The following STAB1 variants were observed in gnomAD, a reference collection of about 807,000 sequenced individuals.
STAB1 encodes stabilin-1.
In STAB1, 250 loss-of-function variants were observed where a neutral mutation model predicts 332.4. That is an observed-to-expected ratio of 0.75 (90% CI 0.68 to 0.84). The LOEUF (loss-of-function observed/expected upper bound fraction) is 0.84. STAB1 is among the 40% of genes least tolerant of loss of function. The probability of loss-of-function intolerance (pLI) is 0.00; values close to 1 mark genes in which losing one functional copy is unlikely to be tolerated. For synonymous variants in STAB1, 1,475 were observed against 1,390.4 expected (o/e 1.06, Z -1.35); for missense variants, 3,249 against 3,489.7 (o/e 0.93, Z 1.74).
At chr3:52,504,319 C>A in intron 10 of STAB1, 142 bp from the exon 11 acceptor site, 1 of 1,362,058 alleles carries the variant, frequency 7.3e-7, no homozygotes, top group Non-Finnish European at 1.0e-6. Flanking sequence ...TGCTCTCCAA[C>A]CTCAAGGCCC....
Position 52,515,058 on chromosome 3 carries a change from T to A in STAB1, c.3864+13T>A. ...CTTCCAGCTGCAGGTGAGACTGGGC[T>A]TAGCGCAGCTCTGTCCCTGTGTTGC... is the stretch of plus-strand genomic sequence containing the variant. On this transcript the variant is annotated intron_variant, in intron 36 of 68. Transcript: ENST00000321725. The A allele has an allele frequency of 6.2e-7, 1 of 1,613,104 alleles. No homozygotes were observed. Among genetic ancestry groups the A allele is most frequent in the Non-Finnish European group, 8.5e-7 (1 of 1,179,864 alleles).
chr3:52,520,417 T>C lies in STAB1; in HGVS notation c.5517T>C (p.Gly1839=). ...CCTTGCAGGGTGAGCTCATGGTGGGTGAGGATGATGCTCGCATTGTGCAGC... is the reference window on the plus strand; with the variant it reads ...CCTTGCAGGGTGAGCTCATGGTGGGCGAGGATGATGCTCGCATTGTGCAGC... ...SRTRAGELMV[G]EDDARIVQRH... Residue 1839 remains glycine (G), a synonymous_variant, in exon 53 of 69, where the codon GGT becomes GGC. Transcript: ENST00000321725. 6.2e-7 allele frequency: 1 copy of C among 1,611,854 alleles called. No homozygotes were observed. Among genetic ancestry groups the C allele is most frequent in the Non-Finnish European group, 8.5e-7 (1 of 1,179,104 alleles).
rs199577237 is a variant in STAB1 at position 52,523,214 on chromosome 3, C to T, written c.7021-8C>T. The T allele has an allele frequency of 9.6e-5, 155 of 1,612,998 alleles. No homozygotes were observed. The highest frequency in any genetic ancestry group is 6.5e-4 in the East Asian group (29 of 44,890). ...CCTGCTCATAGTTCTGTCTTTCCAC[C>T]GTGCCAGATGCTATTGGGCTATGCC... On this transcript the variant is annotated splice_region_variant and splice_polypyrimidine_tract_variant and intron_variant, in intron 63 of 68. Coordinates refer to ENST00000321725, the MANE Select transcript of STAB1 (RefSeq NM_015136.3).
rs1709428313 is a variant in STAB1, at chr3:52,513,239, G to A, written c.3268G>A (p.Gly1090Arg). The A allele has an allele frequency of 6.4e-7, 1 of 1,572,670 alleles. No individual in the cohort carries two copies. The highest frequency in any genetic ancestry group is 8.6e-7 in the Non-Finnish European group (1 of 1,159,996). Residue 1090 changes from glycine to arginine, a missense_variant and splice_region_variant, in exon 30 of 69, where the codon GGG becomes AGG. Coordinates refer to ENST00000321725, the MANE Select transcript of STAB1 (RefSeq NM_015136.3). ...TTRWEIRNIS[G>R]RVWVQNASVD... ...ACGCTGGGAGATTCGCAACATTAGT[G>A]GGGTATGTGGTGAACTCTGGGCAGA...
chr3:52,502,998 G>A lies in STAB1; in HGVS notation c.584-1G>A. ...ATCAGTGCTCTCTCCACTCTGCGCA[G>A]AGCTGCCCGTCTGCCAGGAGCTGCG... On this transcript the variant is annotated splice_acceptor_variant, in intron 6 of 68. Coordinates refer to ENST00000321725, the MANE Select transcript of STAB1 (RefSeq NM_015136.3). LOFTEE classifies it high-confidence loss of function. 2 of 1,573,696 alleles carry A rather than the reference G, an allele frequency of 1.3e-6. No individual in the cohort carries two copies. The highest frequency in any genetic ancestry group is 1.7e-6 in the Non-Finnish European group (2 of 1,160,672).
In STAB1 at chr3:52,510,479, C is replaced by A. The variant is rs202225385; in HGVS notation, c.2759C>A (p.Ala920Asp). Residue 920 changes from alanine (A) to aspartate (D), a missense_variant, in exon 25 of 69, where the codon GCC becomes GAC. Physicochemically the swap from Ala to Asp is moderately radical, Grantham distance 126. Coordinates refer to ENST00000321725, the MANE Select transcript of STAB1 (RefSeq NM_015136.3). ...LDMRGGCHTD[A>D]LCSYVGPGQS... Reference sequence around the variant, plus strand: ...ATGAGAGGTGGCTGCCACACCGATGCCCTCTGCAGCTATGTGGGCCCCGGG... The same window carrying A: ...ATGAGAGGTGGCTGCCACACCGATGACCTCTGCAGCTATGTGGGCCCCGGG... The A allele has an allele frequency of 1.6e-5, 26 of 1,613,450 alleles. No homozygotes were observed. The highest frequency in any genetic ancestry group is 1.7e-6 in the Non-Finnish European group (2 of 1,179,938).
chr3:52,524,044 C>A (rs114309168), intron 67 of STAB1, 27 bp downstream of exon 67: 1 of 1,611,960 alleles, frequency 6.2e-7, no homozygotes, highest in East Asian at 2.2e-5. Context: ...GCTGCCATGG[C>A]GGGTCCTTGG....
intron 48 of STAB1, 126 bp from the exon 49 acceptor site, chr3:52,519,138 G>A: frequency 7.7e-7 from 1 of 1,296,844 alleles, no homozygotes; most frequent in South Asian, 1.4e-5. Flanking sequence ...ACCTCGTCCT[G>A]GTCCCGAAGA....
At chr3:52,516,963 T>C (rs764175678) in intron 41 of STAB1, 21 bp from the exon 42 acceptor site, 2 of 1,610,176 alleles carry the variant, frequency 1.2e-6, no homozygotes, top group Non-Finnish European at 1.7e-6. Flanking sequence ...TCCTGAGGAC[T>C]CTCTGGCCAT....
In STAB1 at chr3:52,509,872, T is replaced by C. The variant is rs770029776; in HGVS notation, c.2350T>C (p.Cys784Arg). 6.2e-7 allele frequency: 1 copy of C among 1,612,888 alleles called. No homozygotes were observed. The highest frequency in any genetic ancestry group is 1.1e-5 in the South Asian group (1 of 91,080). Residue 784 changes from cysteine (C) to arginine (R), a missense_variant and splice_region_variant, in exon 23 of 69, where the codon TGC (cysteine) becomes CGC (arginine). Physicochemically the swap from Cys to Arg is radical, Grantham distance 180. Transcript: ENST00000321725. Reference protein sequence around the residue: ...NKHGEQCQEDCGCVHGLCDNR... With the variant: ...NKHGEQCQEDRGCVHGLCDNR... The stretch of plus-strand genomic sequence containing the variant: ...TTGCTCCCATCTACTCCATACAGAC[T>C]GCGGCTGTGTCCATGGTCTCTGCGA...
rs896955315 is a variant in STAB1, at chr3:52,519,986, C to T, written c.5278C>T (p.Pro1760Ser). 2.5e-6 allele frequency: 4 copies of T among 1,609,800 alleles called. No individual in the cohort carries two copies. The African/African-American group carries it at 4.0e-5, about 16-fold the overall frequency. Residue 1760 changes from proline (P) to serine (S), a missense_variant, in exon 51 of 69, where the codon CCC (proline) becomes TCC (serine). By Grantham distance (74) the Pro-to-Ser change is moderately conservative. Transcript: ENST00000321725. Reference sequence around the variant, plus strand: ...CCTGCTTCGAGAGGCATCCCATAGGCCCTTCACAATGCTGTGGCCCACAGA... The same window carrying T: ...CCTGCTTCGAGAGGCATCCCATAGGTCCTTCACAATGCTGTGGCCCACAGA... ...LPLLREASHR[P>S]FTMLWPTDAA...
chr3:52,523,752 AG>A lies in STAB1; in HGVS notation c.7392del (p.Gln2464HisfsTer136). 6.3e-7 allele frequency: 1 copy of A among 1,598,668 alleles called. No individual in the cohort carries two copies. The highest frequency in any genetic ancestry group is 1.1e-5 in the South Asian group (1 of 90,728). ...GCCAGCCCCCTCCTGGCACCCCCAC[AG>A]CCCGTGAGTTGAGGAAGGGGGAGGC... The part of the protein sequence containing the change: ...ALASPLLAPP[Q>X]PQAVLAPEAP... On this transcript the variant is annotated frameshift_variant, in exon 66 of 69. Transcript: ENST00000321725. LOFTEE classifies it high-confidence loss of function.
chr3:52,506,659 G>A (rs746904540), intron 17 of STAB1, 33 bp from the exon 18 acceptor site: 1 of 1,582,656 alleles, frequency 6.3e-7, no homozygotes, highest in Non-Finnish European at 8.6e-7. Context: ...GGCCAGCCAG[G>A]CTGGGGGTTG....
At chr3:52,503,647 G>C in intron 8 of STAB1, 107 bp downstream of exon 8, 1 of 1,555,118 alleles carries the variant, frequency 6.4e-7, no homozygotes, top group African/African-American at 1.4e-5. Context: ...TTCCCCACTT[G>C]TAAAGTGGGG....
At chr3:52,520,583 C>T (rs202000670) in intron 53 of STAB1, 34 bp downstream of exon 53, 1 of 1,611,624 alleles carries the variant, frequency 6.2e-7, no homozygotes, top group Admixed American at 1.7e-5. Context: ...GGCAGAAGCC[C>T]ACCCCGCCTG....
chr3:52,510,320 C>A (rs776437017), intron 24 of STAB1, 29 bp from the exon 25 acceptor site: 3 of 1,613,754 alleles, frequency 1.9e-6, no homozygotes, highest in Non-Finnish European at 2.5e-6. Flanking sequence ...TTCTTGTGTC[C>A]CTCAGTTATT....
At chr3:52,506,604 C>G (rs1708887067) in intron 17 of STAB1, 88 bp from the exon 18 acceptor site, 10 of 1,422,834 alleles carry the variant, frequency 7.0e-6, no homozygotes, top group Admixed American at 6.9e-5. Flanking sequence ...CCTGTCTGCT[C>G]TAACTGGGCT....
rs561835465 is a variant in STAB1 at position 52,510,217 on chromosome 3, T to C, written c.2610T>C (p.Arg870=). The change falls in exon 24 of 69, where the codon CGT becomes CGC. Residue 870 remains arginine, a synonymous_variant. Coordinates refer to ENST00000321725, the MANE Select transcript of STAB1 (RefSeq NM_015136.3). ...TPSNPCSHPD[R]GGCSENAECV... Reference sequence around the variant, plus strand: ...GCAACCCCTGCTCCCACCCGGACCGTGGAGGCTGCTCAGAGAATGTCAGTC... The same window carrying C: ...GCAACCCCTGCTCCCACCCGGACCGCGGAGGCTGCTCAGAGAATGTCAGTC... 3.8e-5 allele frequency: 62 copies of C among 1,613,934 alleles called. No individual in the cohort carries two copies. In the South Asian group the frequency reaches 6.3e-4, roughly 16 times the overall value.
At chr3:52,512,199 G>A (rs554431283) in intron 26 of STAB1, 142 bp from the exon 27 acceptor site, 10 of 795,444 alleles carry the variant, frequency 1.3e-5, no homozygotes, top group East Asian at 2.4e-5. Flanking sequence ...CACCGAAGGA[G>A]TGCCACCAAC....
Sources: allele counts gnomAD v4.1 joint callset, GRCh38; gene constraint gnomAD v4.1.1; transcripts MANE v1.5; gene names NCBI Gene and HGNC (gene_info 2026-07-23, HGNC 2026-07-21).